The following BRINP3 variants were observed in gnomAD, a reference collection of about 807,000 sequenced individuals.
BRINP3 encodes BMP/retinoic acid-inducible neural-specific protein 3.
Under a neutral mutation model 71.0 loss-of-function variants are expected in BRINP3, and 19 were observed. The ratio of observed to expected loss-of-function variants is 0.27; its 90% CI spans 0.19 to 0.39. BRINP3 has a LOEUF of 0.39. Among genes scored for constraint, BRINP3 ranks in the 10% least tolerant of loss-of-function variants. The pLI is 1.00. For synonymous variants in BRINP3, 380 were observed against 337.7 expected, an observed-to-expected ratio of 1.13 and a Z score of -1.37; for missense variants, 959 against 940.8, an observed-to-expected ratio of 1.02 and a Z score of -0.25.
intron 7 of BRINP3, chr1:190,153,922 T>G: frequency 4.9e-6 from 1 of 205,522 alleles, no homozygotes; most frequent in Non-Finnish European, 8.6e-6. Flanking sequence ...GGGATGCAAG[T>G]TTGGCTCTAG....
At chr1:190,117,886 T>C (rs1185631894) in intron 7 of BRINP3, among the ~76,000 whole-genome samples, 1 of 152,108 alleles carries the variant, frequency 6.6e-6, no homozygotes, top group Non-Finnish European at 1.5e-5. Flanking sequence ...GCCATTGACT[T>C]TTTGTAGAAA....
chr1:190,114,167 C>T (rs72729119), intron 7 of BRINP3, among the ~76,000 whole-genome samples: 1 of 152,172 alleles, frequency 6.6e-6, no homozygotes, highest in Non-Finnish European at 1.5e-5. Flanking sequence ...GGCATCTCCT[C>T]CCCACACATT....
At chr1:190,427,351 A>G (rs1283578824) in intron 2 of BRINP3, among the ~76,000 whole-genome samples, 3 of 151,986 alleles carry the variant, frequency 2.0e-5, no homozygotes, top group Non-Finnish European at 4.4e-5. Flanking sequence ...TAAAGTGAGT[A>G]CTAAATATAG....
At chr1:190,392,247 C>T (rs886806564) in intron 2 of BRINP3, among the ~76,000 whole-genome samples, 6 of 151,486 alleles carry the variant, frequency 4.0e-5, no homozygotes, top group Non-Finnish European at 7.4e-5. Context: ...TCAAACTGGA[C>T]GGTTGTTGCC....
intron 2 of BRINP3, among the ~76,000 whole-genome samples, chr1:190,444,725 G>C (rs1675092470): frequency 6.6e-6 from 1 of 151,924 alleles, no homozygotes; most frequent in Non-Finnish European, 1.5e-5. Flanking sequence ...TAGCAGAGAC[G>C]GGGTTTCACC....
intron 2 of BRINP3, among the ~76,000 whole-genome samples, chr1:190,429,660 A>G (rs760586320): frequency 3.2e-4 from 48 of 148,782 alleles, no homozygotes; most frequent in Non-Finnish European, 6.5e-4. Context: ...AGGAGATCTC[A>G]GCTCACTGCA....
intron 3 of BRINP3, among the ~76,000 whole-genome samples, chr1:190,267,729 A>G (rs1167121321): frequency 6.6e-6 from 1 of 152,094 alleles, no homozygotes. Flanking sequence ...TAAATATATA[A>G]TAAAACAGAG....
chr1:190,381,289 C>T (rs572940495), intron 2 of BRINP3, among the ~76,000 whole-genome samples: 8 of 151,850 alleles, frequency 5.3e-5, no homozygotes, highest in African/African-American at 1.2e-4. Flanking sequence ...CAAAACAAAA[C>T]GAAACAAAAC....
At position 190,259,045 on chromosome 1, in the gene BRINP3, C is replaced by T. The variant is rs148549407; in HGVS notation, c.618+5820G>A. On this transcript the variant is annotated intron_variant, in intron 4 of 7. Transcript: ENST00000367462. The stretch of plus-strand genomic sequence containing the variant: ...AGAAAAGTTCACATCTAGATGGTTT[C>T]ACCACTAAATTCAACCAAAAACTCA... Among the ~76,000 whole-genome samples, 23 of 152,080 alleles carry T rather than the reference C, an allele frequency of 1.5e-4. No individual in the cohort carries two copies. The East Asian group carries it at 3.7e-3, about 24-fold the overall frequency.
At chr1:190,407,944 A>G (rs1316640200) in intron 2 of BRINP3, among the ~76,000 whole-genome samples, 1 of 149,830 alleles carries the variant, frequency 6.7e-6, no homozygotes, top group African/African-American at 2.5e-5. Context: ...TATCCTCCTC[A>G]TTGGAATGTC....
At chr1:190,169,495 T>C (rs1331084630) in intron 6 of BRINP3, among the ~76,000 whole-genome samples, 1 of 152,174 alleles carries the variant, frequency 6.6e-6, no homozygotes, top group East Asian at 1.9e-4. Context: ...CTGTGAACTA[T>C]CCAATCCGAT....
intron 1 of BRINP3, among the ~76,000 whole-genome samples, chr1:190,473,009 ATAT>A (rs1677244180): frequency 6.6e-6 from 1 of 151,910 alleles, no homozygotes; most frequent in Admixed American, 6.6e-5. Context: ...AAATCACGTA[ATAT>A]TATCTGATTA....
At chr1:190,466,488 C>T (rs1340961733) in intron 1 of BRINP3, among the ~76,000 whole-genome samples, 1 of 151,640 alleles carries the variant, frequency 6.6e-6, no homozygotes, top group Non-Finnish European at 1.5e-5. Context: ...AAACTTTTTA[C>T]TAAGATAAAA....
intron 2 of BRINP3, among the ~76,000 whole-genome samples, chr1:190,425,980 T>C (rs1006045206): frequency 6.6e-6 from 1 of 151,830 alleles, no homozygotes; most frequent in Non-Finnish European, 1.5e-5. Context: ...TTTAAATGCA[T>C]TGGCATATAC....
intron 1 of BRINP3, chr1:190,474,284 A>T (rs1571412571): frequency 6.6e-6 from 1 of 152,606 alleles, no homozygotes; most frequent in Non-Finnish European, 1.5e-5. Flanking sequence ...GAATATTAAG[A>T]AGTTATGCAT....
chr1:190,387,913 A>G (rs1328108493), intron 2 of BRINP3, among the ~76,000 whole-genome samples: 3 of 151,822 alleles, frequency 2.0e-5, no homozygotes, highest in African/African-American at 7.2e-5. Flanking sequence ...ATTCTAATAA[A>G]TTTTAAAATT....
At chr1:190,280,029 G>C (rs1662917251) in intron 3 of BRINP3, among the ~76,000 whole-genome samples, 1 of 151,770 alleles carries the variant, frequency 6.6e-6, no homozygotes, top group Admixed American at 6.6e-5. Context: ...TAAGGCCCTT[G>C]TTTTTAAGAA....
chr1:190,204,106 A>T (rs1193237838), intron 6 of BRINP3, among the ~76,000 whole-genome samples: 1 of 151,834 alleles, frequency 6.6e-6, no homozygotes, highest in Non-Finnish European at 1.5e-5. Flanking sequence ...AGGCAAAGTA[A>T]TGATGACCAA....
chr1:190,208,475 T>C (rs1269950081), intron 6 of BRINP3, among the ~76,000 whole-genome samples: 1 of 151,956 alleles, frequency 6.6e-6, no homozygotes, highest in Non-Finnish European at 1.5e-5. Context: ...GTACTTTATT[T>C]ATTTATTTGT....
Sources: allele counts gnomAD v4.1 joint callset (sites outside exome capture counted in the v4.1 genomes callset), GRCh38; gene constraint gnomAD v4.1.1; transcripts MANE v1.5; gene names NCBI Gene and HGNC (gene_info 2026-07-23, HGNC 2026-07-21).